Variants in MICAL3 observed in about 807,000 individuals in gnomAD.
The protein encoded by MICAL3 is [F-actin]-monooxygenase MICAL3.
A neutral mutation model predicts 207.4 loss-of-function variants in MICAL3; 62 were observed. The ratio of observed to expected loss-of-function variants is 0.30; its 90% confidence interval spans 0.24 to 0.37. MICAL3 has a LOEUF of 0.37. Among genes scored for constraint, MICAL3 ranks in the 10% least tolerant of loss-of-function variants. The pLI is 1.00. For synonymous variants in MICAL3, 1,077 were observed against 1,069.3 expected (o/e 1.01, Z -0.14); for missense variants, 2,368 against 2,635.6 (o/e 0.90, Z 2.22).
chr22:17,810,644 G>C (rs1451349623), intron 28 of MICAL3, 59 bp downstream of exon 28: 2 of 1,359,594 alleles, frequency 1.5e-6, no homozygotes, highest in Non-Finnish European at 2.1e-6. Context: ...TGGGTGGATA[G>C]GGAGATGCTG....
intron 16 of MICAL3, 138 bp from the exon 17 acceptor site, chr22:17,872,161 G>A (rs556909253): frequency 5.7e-6 from 4 of 703,458 alleles, no homozygotes; most frequent in Admixed American, 2.8e-5. Flanking sequence ...AACTGGCTAC[G>A]GTCAACTGTG....
At chr22:17,864,460 C>G in intron 19 of MICAL3, 1 of 1,422,390 alleles carries the variant, frequency 7.0e-7, no homozygotes, top group Non-Finnish European at 9.2e-7. Flanking sequence ...TCCAGGCCGT[C>G]AGAGGAGCTT....
intron 1 of MICAL3, among the ~76,000 whole-genome samples, chr22:17,977,148 T>A (rs1471607543): frequency 6.6e-6 from 1 of 152,152 alleles, no homozygotes; most frequent in East Asian, 1.9e-4. Flanking sequence ...AAAACTGATG[T>A]GCAAATCCAG....
chr22:17,908,115 A>G (rs1273677865), intron 1 of MICAL3, among the ~76,000 whole-genome samples: 1 of 152,076 alleles, frequency 6.6e-6, no homozygotes, highest in Non-Finnish European at 1.5e-5. Context: ...GTGGGAGGCA[A>G]AAGGACAAAG....
At chr22:17,905,421 A>G (rs896773288) in intron 2 of MICAL3, among the ~76,000 whole-genome samples, 1 of 152,216 alleles carries the variant, frequency 6.6e-6, no homozygotes, top group Non-Finnish European at 1.5e-5. Context: ...ACTCCAGAGA[A>G]GTACTGAGCA....
intron 1 of MICAL3, among the ~76,000 whole-genome samples, chr22:17,929,351 T>C (rs532700910): frequency 3.0e-4 from 45 of 150,776 alleles, no homozygotes; most frequent in Middle Eastern, 6.9e-3. Context: ...AATCCTCCTG[T>C]CCTGGTCTCT....
At chr22:17,828,999 T>C (rs1278504959) in intron 21 of MICAL3, among the ~76,000 whole-genome samples, 1 of 152,170 alleles carries the variant, frequency 6.6e-6, no homozygotes, top group African/African-American at 2.4e-5. Context: ...CCCTGTGCTC[T>C]GCCGTATGTG....
intron 1 of MICAL3, among the ~76,000 whole-genome samples, chr22:17,914,855 A>G (rs1932379720): frequency 6.6e-6 from 1 of 152,238 alleles, no homozygotes; most frequent in Non-Finnish European, 1.5e-5. Flanking sequence ...CACCCCAGCC[A>G]TCAGCAACGC....
rs540762408 is a variant in MICAL3, at chr22:17,863,194, C to T, written c.2605+1705G>A. 9.1e-6 allele frequency: 9 copies of T among 985,274 alleles called. No individual in the cohort carries two copies. In the African/African-American group the frequency reaches 1.0e-4, roughly 11 times the overall value. The allele number at this position is 985,274 out of a possible 1,614,324, so 61.0% of individuals were successfully genotyped here. ...CAGATGGGAAAGTCAGCAAACCTGG[C>T]GTCATTCAGGAATAACCTAAACTTC... On this transcript the variant is annotated intron_variant, in intron 19 of 31. Transcript: ENST00000441493.
intron 16 of MICAL3, among the ~76,000 whole-genome samples, chr22:17,881,864 T>C (rs1569113501): frequency 6.6e-6 from 1 of 152,256 alleles, no homozygotes; most frequent in Non-Finnish European, 1.5e-5. Flanking sequence ...AACATTTGAA[T>C]GCCATATACA....
chr22:18,022,203 C>T (rs561168392), intron 1 of MICAL3, among the ~76,000 whole-genome samples: 4 of 152,072 alleles, frequency 2.6e-5, no homozygotes, highest in South Asian at 4.2e-4. Flanking sequence ...AACTTTTTGC[C>T]GCCCACCCCC....
chr22:17,876,739 T>TGGAGGTTAGGGAGGTTAA (rs1928420109), intron 16 of MICAL3: 3 of 133,032 alleles, frequency 2.3e-5, no homozygotes, highest in Non-Finnish European at 5.0e-5. Flanking sequence ...AGGGAGCTTA[T>TGGAGGTTAGGGAGGTTAA]GGAGGTTAGG....
intron 9 of MICAL3, 127 bp from the exon 10 acceptor site, chr22:17,895,537 G>T: frequency 9.4e-7 from 1 of 1,060,262 alleles, no homozygotes. Context: ...TCCTTGACCA[G>T]TCTTCTTGAG....
intron 1 of MICAL3, among the ~76,000 whole-genome samples, chr22:17,952,951 C>T (rs370978844): frequency 3.3e-5 from 5 of 152,278 alleles, no homozygotes; most frequent in Middle Eastern, 3.4e-3. Context: ...GCGCCTGACT[C>T]GGAGCAGCTA....
chr22:17,811,764 TGA>T (rs1241689510), intron 27 of MICAL3, among the ~76,000 whole-genome samples: 1 of 152,194 alleles, frequency 6.6e-6, no homozygotes, highest in Non-Finnish European at 1.5e-5. Flanking sequence ...AGTTCTTTTT[TGA>T]GAGAGGGTCT....
intron 1 of MICAL3, among the ~76,000 whole-genome samples, chr22:17,964,814 A>C (rs1198891000): frequency 6.6e-6 from 1 of 152,242 alleles, no homozygotes; most frequent in Non-Finnish European, 1.5e-5. Flanking sequence ...AAAACAAAGC[A>C]AAACAAAAAC....
At chr22:17,870,164 C>T (rs1318010391) in intron 17 of MICAL3, among the ~76,000 whole-genome samples, 1 of 152,158 alleles carries the variant, frequency 6.6e-6, no homozygotes. Flanking sequence ...CCAGTGTTAA[C>T]AATACTGCAC....
intron 1 of MICAL3, among the ~76,000 whole-genome samples, chr22:18,023,964 A>G (rs920490355): frequency 2.0e-5 from 3 of 152,194 alleles, no homozygotes; most frequent in African/African-American, 7.2e-5. Flanking sequence ...ATAGAAGCAC[A>G]ATGAAAATGG....
intron 10 of MICAL3, among the ~76,000 whole-genome samples, chr22:17,894,328 G>C (rs1930640500): frequency 6.6e-6 from 1 of 150,414 alleles, no homozygotes; most frequent in Admixed American, 6.7e-5. Context: ...GGAAGTCAAA[G>C]CTTCAGTGAG....
Sources: allele counts gnomAD v4.1 joint callset (sites outside exome capture counted in the v4.1 genomes callset), GRCh38; gene constraint gnomAD v4.1.1; transcripts MANE v1.5; gene names NCBI Gene and HGNC (gene_info 2026-07-23, HGNC 2026-07-21).